Variants in STXBP3 observed in about 807,000 individuals in gnomAD.
STXBP3 encodes syntaxin-binding protein 3.
STXBP3 carries 41 observed loss-of-function variants against 85.7 expected under a neutral mutation model. The ratio of observed to expected loss-of-function variants is 0.48; its 90% CI spans 0.37 to 0.62. The LOEUF (loss-of-function observed/expected upper bound fraction) is 0.62, where lower values mean the gene tolerates loss of function less well. Ranked by LOEUF, STXBP3 falls within the 20% of genes least tolerant of loss-of-function variation. The pLI is 0.00. For synonymous variants in STXBP3, 229 were observed against 231.7 expected, an observed-to-expected ratio of 0.99 and a Z score of 0.10; for missense variants, 563 against 703.1, an observed-to-expected ratio of 0.80 and a Z score of 2.25.
rs770734346 is a variant in STXBP3, at chr1:108,800,349, A to G, written c.1535+44A>G. 19 of 1,436,034 alleles carry G rather than the reference A, an allele frequency of 1.3e-5. No homozygotes were observed. The East Asian group carries it at 2.7e-4, about 21-fold the overall frequency. 89.0% of individuals were successfully genotyped at this position (1,436,034 alleles called of 1,614,324 possible). A position where few individuals can be genotyped will look rare whatever the true frequency, so the allele number is the denominator to read the frequency against. The stretch of plus-strand genomic sequence containing the variant: ...AATCAATGAAATTTTCATTCTACGG[A>G]CTAATAATTTAAAATGGTACACAGA... On this transcript the variant is annotated intron_variant, in intron 17 of 18. Coordinates refer to ENST00000370008, the MANE Select transcript of STXBP3 (RefSeq NM_007269.4).
intron 11 of STXBP3, among the ~76,000 whole-genome samples, chr1:108,787,892 C>T (rs746347150): frequency 6.6e-6 from 1 of 151,934 alleles, no homozygotes; most frequent in Non-Finnish European, 1.5e-5. Context: ...TGGGCTCAAA[C>T]GATCCTCCCA....
At chr1:108,772,593 CAT>C (rs1406590196) in intron 6 of STXBP3, 70 bp from the exon 7 acceptor site, 2 of 658,564 alleles carry the variant, frequency 3.0e-6, no homozygotes, top group African/African-American at 4.0e-5. Context: ...TTATATATAA[CAT>C]AAATATAAAT....
intron 16 of STXBP3, among the ~76,000 whole-genome samples, chr1:108,799,190 G>C (rs1011545808): frequency 2.0e-5 from 3 of 152,042 alleles, no homozygotes; most frequent in Non-Finnish European, 4.4e-5. Flanking sequence ...TGATTTCTCT[G>C]TTTTGCTTGG....
At chr1:108,764,781 C>CT (rs1005126808) in intron 6 of STXBP3, among the ~76,000 whole-genome samples, 25 of 152,166 alleles carry the variant, frequency 1.6e-4, no homozygotes, top group African/African-American at 5.8e-4. Flanking sequence ...AATATTAGAC[C>CT]TTTGTCAGAT....
intron 8 of STXBP3, 106 bp from the exon 9 acceptor site, chr1:108,779,180 A>G (rs1184784962): frequency 4.1e-6 from 5 of 1,216,864 alleles, no homozygotes; most frequent in South Asian, 2.0e-5. Flanking sequence ...TGGTGGGGAA[A>G]AGGGACAGAA....
chr1:108,792,107 A>G (rs771515123), intron 11 of STXBP3, among the ~76,000 whole-genome samples: 2 of 152,222 alleles, frequency 1.3e-5, no homozygotes, highest in Non-Finnish European at 2.9e-5. Flanking sequence ...CACCTTCTTC[A>G]TATCAGACAT....
chr1:108,759,908 C>A, intron 5 of STXBP3, 77 bp from the exon 6 acceptor site: 2 of 861,956 alleles, frequency 2.3e-6, no homozygotes, highest in Non-Finnish European at 3.7e-6. Flanking sequence ...TATAACTATT[C>A]TTGGATGTTG....
chr1:108,797,897 CT>C (rs1401556672), intron 15 of STXBP3, among the ~76,000 whole-genome samples: 1 of 152,050 alleles, frequency 6.6e-6, no homozygotes, highest in Admixed American at 6.6e-5. Context: ...TTTTATAATA[CT>C]TTTATTTTAA....
At chr1:108,746,853 G>T (rs1661796025) in intron 1 of STXBP3, 67 bp downstream of exon 1, 3 of 1,515,732 alleles carry the variant, frequency 2.0e-6, no homozygotes, top group Admixed American at 2.0e-5. Flanking sequence ...GCCTCGTTTT[G>T]CAGCCCCAAC....
chr1:108,782,396 G>A, intron 9 of STXBP3, 26 bp from the exon 10 acceptor site: 1 of 1,541,364 alleles, frequency 6.5e-7, no homozygotes, highest in Non-Finnish European at 8.8e-7. Context: ...AAATCAAAAA[G>A]TTTTAGTGCT....
chr1:108,771,722 C>A (rs866808465), intron 6 of STXBP3, among the ~76,000 whole-genome samples: 10 of 11,982 alleles, frequency 8.3e-4, no homozygotes, highest in Admixed American at 1.8e-3. Context: ...TATATGATAT[C>A]TATCTATATA....
rs538485534 is a variant in STXBP3, at chr1:108,756,958, A to G, written c.258+192A>G. ...TTCCGAATGAGAATGTATAAGTAAAAGGATTCCTTTTTTCCCCATATATGA... is the reference window on the plus strand; with the variant it reads ...TTCCGAATGAGAATGTATAAGTAAAGGGATTCCTTTTTTCCCCATATATGA... On this transcript the variant is annotated intron_variant, in intron 4 of 18. Transcript: ENST00000370008. 1.1e-5 allele frequency: 4 copies of G among 375,622 alleles called. No individual in the cohort carries two copies. The South Asian group carries it at 3.2e-4, about 30-fold the overall frequency. The allele number at this position is 375,622 out of a possible 1,614,324, so 23.3% of individuals were successfully genotyped here. A position where few individuals can be genotyped will look rare whatever the true frequency, so the allele number is the denominator to read the frequency against.
intron 7 of STXBP3, among the ~76,000 whole-genome samples, chr1:108,774,704 C>G (rs1662549268): frequency 7.1e-6 from 1 of 140,712 alleles, no homozygotes; most frequent in South Asian, 2.2e-4. Context: ...GTCTCAAACT[C>G]CTGGGCTCAA....
chr1:108,779,720 A>ATGATAT, intron 9 of STXBP3: 1 of 29,980 alleles, frequency 3.3e-5, no homozygotes, highest in Non-Finnish European at 5.0e-5. Context: ...CAGGCTCACT[A>ATGATAT]TCATTGAAGG....
At chr1:108,757,148 A>G (rs1360267462) in intron 4 of STXBP3, 3 of 160,044 alleles carry the variant, frequency 1.9e-5, no homozygotes, top group African/African-American at 4.8e-5. Context: ...GCATATTTGT[A>G]TGTATATATG....
rs1557805497 is a variant in STXBP3, at chr1:108,771,452, C to CTATATATA, written c.439-1213_439-1212insTATATATA. ...ATATATGATATATATCTATATATAT[C>CTATATATA]ATATATAAATATATATGATATATAT... On this transcript the variant is annotated intron_variant, in intron 6 of 18. Transcript: ENST00000370008. 6.6e-4 allele frequency among the ~76,000 whole-genome samples: 6 copies of CTATATATA among 9,116 alleles called. 2 individuals carry two copies. The highest frequency in any genetic ancestry group is 2.9e-3 in the Admixed American group (2 of 684). 6.0% of individuals were successfully genotyped at this position (9,116 alleles called of 152,430 possible). A position where few individuals can be genotyped will look rare whatever the true frequency, so the allele number is the denominator to read the frequency against.
intron 5 of STXBP3, 42 bp downstream of exon 5, chr1:108,758,630 C>A: frequency 1.7e-6 from 2 of 1,170,988 alleles, no homozygotes; most frequent in South Asian, 1.9e-5. Context: ...TTCAAAATGC[C>A]ATTGGTTTTA....
At chr1:108,769,471 CAG>C (rs1467563278) in intron 6 of STXBP3, among the ~76,000 whole-genome samples, 4 of 152,090 alleles carry the variant, frequency 2.6e-5, no homozygotes, top group Non-Finnish European at 5.9e-5. Context: ...TTAGTGAGTA[CAG>C]AGAGTCTGGT....
intron 6 of STXBP3, among the ~76,000 whole-genome samples, chr1:108,768,618 C>T (rs892440618): frequency 1.1e-4 from 16 of 152,192 alleles, no homozygotes; most frequent in Admixed American, 8.5e-4. Context: ...GGCTATTGTA[C>T]GTAGGAGGCT....
Sources: allele counts gnomAD v4.1 joint callset (sites outside exome capture counted in the v4.1 genomes callset), GRCh38; gene constraint gnomAD v4.1.1; transcripts MANE v1.5; gene names NCBI Gene and HGNC (gene_info 2026-07-23, HGNC 2026-07-21).